ATP8A2: variants seen among roughly 807,000 people sequenced by gnomAD.
ATP8A2 encodes the protein phospholipid-transporting ATPase IB.
ATP8A2 carries 100 observed loss-of-function variants against 165.6 expected under a neutral mutation model. The observed-to-expected ratio is 0.60, with a 90% CI of 0.51 to 0.71. The LOEUF (loss-of-function observed/expected upper bound fraction) is 0.71. ATP8A2 is among the 30% of genes least tolerant of loss of function. The probability of loss-of-function intolerance (pLI) is 0.00; values close to 1 mark genes in which losing one functional copy is unlikely to be tolerated. For synonymous variants in ATP8A2, 543 were observed against 548.8 expected (o/e 0.99, Z 0.15); for missense variants, 1,227 against 1,479.5 (o/e 0.83, Z 2.80).
chr13:25,507,264 TA>T (rs1431289122), intron 2 of ATP8A2, among the ~76,000 whole-genome samples: 3 of 13,148 alleles, frequency 2.3e-4, no homozygotes, highest in East Asian at 5.3e-4. Flanking sequence ...TGTGTGTGTG[TA>T]TTTTGTTGTT....
intron 36 of ATP8A2, among the ~76,000 whole-genome samples, chr13:26,013,120 T>A (rs1189905669): frequency 8.0e-6 from 1 of 125,560 alleles, no homozygotes; most frequent in Admixed American, 8.0e-5. Context: ...AAACATCCCC[T>A]CTCCACTGCC....
intron 24 of ATP8A2, among the ~76,000 whole-genome samples, chr13:25,617,867 A>G (rs922660353): frequency 7.9e-5 from 12 of 152,174 alleles, no homozygotes; most frequent in African/African-American, 2.9e-4. Context: ...TACACCTAAA[A>G]TCTTATGAGT....
At position 25,796,217 on chromosome 13, in the gene ATP8A2, G is replaced by A. The variant is rs572110670; in HGVS notation, c.2679+21258G>A. 3.9e-5 allele frequency among the ~76,000 whole-genome samples: 6 copies of A among 152,220 alleles called. No individual in the cohort carries two copies. The South Asian group carries it at 1.2e-3, about 32-fold the overall frequency. On this transcript the variant is annotated intron_variant, in intron 27 of 36. Coordinates refer to ENST00000381655, the MANE Select transcript of ATP8A2 (RefSeq NM_016529.6). The stretch of plus-strand genomic sequence containing the variant: ...GCCTACTTTGGCCTCCGAAAGTGCT[G>A]GGATTACAGGCACGAGCCACCGCGC...
chr13:25,447,179 G>A (rs1037765396), intron 1 of ATP8A2, among the ~76,000 whole-genome samples: 1 of 152,148 alleles, frequency 6.6e-6, no homozygotes. Context: ...GAGATATTTA[G>A]GTTTTGACAA....
intron 2 of ATP8A2, among the ~76,000 whole-genome samples, chr13:25,479,371 A>C (rs1429576188): frequency 6.6e-6 from 1 of 152,124 alleles, no homozygotes; most frequent in East Asian, 1.9e-4. Context: ...AACCTAGTAA[A>C]ATGGTTTTAA....
At position 25,688,143 on chromosome 13, in the gene ATP8A2, G is replaced by A. The variant is rs28571117; in HGVS notation, c.2212-11030G>A. Among the ~76,000 whole-genome samples the A allele has an allele frequency of 5.8e-3, 886 of 151,538 alleles. 10 individuals carry two copies. Among genetic ancestry groups the A allele is most frequent in the African/African-American group, 0.02 (817 of 41,262 alleles). On this transcript the variant is annotated intron_variant, in intron 24 of 36. Transcript: ENST00000381655. ...TGTGGCTGTTTTGTGCTGTTGTGTC[G>A]CTGTTTCATTCTGAAACTCTTGGGC...
chr13:25,480,070 G>A lies in ATP8A2; in HGVS notation c.221+10949G>A, dbSNP rs531519913. 8.4e-3 allele frequency among the ~76,000 whole-genome samples: 1,265 copies of A among 150,746 alleles called. 31 individuals are homozygous for A. Among genetic ancestry groups the A allele is most frequent in the African/African-American group, 0.029 (1,184 of 40,192 alleles). On this transcript the variant is annotated intron_variant, in intron 2 of 36. Coordinates refer to ENST00000381655, the MANE Select transcript of ATP8A2 (RefSeq NM_016529.6). ...TCCTCACTTCCCAGTAGGGGCGGCTGGGCAGAGGCGCCCCTCACCTCCCGG... is the reference window on the plus strand; with the variant it reads ...TCCTCACTTCCCAGTAGGGGCGGCTAGGCAGAGGCGCCCCTCACCTCCCGG...
chr13:25,885,856 T>G (rs1048820547), intron 33 of ATP8A2, among the ~76,000 whole-genome samples: 5 of 152,208 alleles, frequency 3.3e-5, no homozygotes, highest in African/African-American at 4.8e-5. Context: ...GATTCTCTCT[T>G]GCCCTGGGTA....
intron 35 of ATP8A2, among the ~76,000 whole-genome samples, chr13:25,969,258 A>G (rs1458798687): frequency 1.3e-5 from 2 of 152,146 alleles, no homozygotes; most frequent in Non-Finnish European, 2.9e-5. Flanking sequence ...GCCCTTCCCC[A>G]CAAGGAACAG....
intron 1 of ATP8A2, among the ~76,000 whole-genome samples, chr13:25,412,451 T>C (rs1335981690): frequency 6.6e-6 from 1 of 152,226 alleles, no homozygotes; most frequent in Non-Finnish European, 1.5e-5. Flanking sequence ...TTGGAGATCA[T>C]CTGTCTTCTA....
At chr13:25,843,180 G>A (rs1291934622) in intron 30 of ATP8A2, among the ~76,000 whole-genome samples, 1 of 152,176 alleles carries the variant, frequency 6.6e-6, no homozygotes, top group East Asian at 1.9e-4. Context: ...TGTGGGGCAT[G>A]GTTGGGAGAA....
intron 27 of ATP8A2, among the ~76,000 whole-genome samples, chr13:25,782,267 T>G (rs1019948382): frequency 2.6e-5 from 4 of 152,234 alleles, no homozygotes; most frequent in African/African-American, 7.2e-5. Context: ...TTTGAAGGAA[T>G]AGATTGGCAG....
At chr13:25,940,226 C>T (rs1955034559) in intron 33 of ATP8A2, among the ~76,000 whole-genome samples, 1 of 152,094 alleles carries the variant, frequency 6.6e-6, no homozygotes, top group African/African-American at 2.4e-5. Flanking sequence ...GAGTGAGGCC[C>T]CTTCCCGGTG....
chr13:25,874,185 C>T (rs1456471388), intron 33 of ATP8A2, among the ~76,000 whole-genome samples: 3 of 152,152 alleles, frequency 2.0e-5, no homozygotes, highest in Non-Finnish European at 2.9e-5. Context: ...TGAGGCCCTG[C>T]GAGGCTTACC....
At position 25,915,554 on chromosome 13, in the gene ATP8A2, T is replaced by C. The variant is rs568147485; in HGVS notation, c.3184-46021T>C. Among the ~76,000 whole-genome samples, 5 of 152,296 alleles carry C rather than the reference T, an allele frequency of 3.3e-5. No individual in the cohort carries two copies. In the East Asian group the frequency reaches 9.7e-4, roughly 29 times the overall value. ...AGCAATAAGTGAAACATGGCCAATT[T>C]TGGAAACCTCCAGGCACAGGGGGAG... On this transcript the variant is annotated intron_variant, in intron 33 of 36. Coordinates refer to ENST00000381655, the MANE Select transcript of ATP8A2 (RefSeq NM_016529.6).
chr13:25,994,712 G>T (rs1369322752), intron 35 of ATP8A2, among the ~76,000 whole-genome samples: 1 of 151,956 alleles, frequency 6.6e-6, no homozygotes, highest in Non-Finnish European at 1.5e-5. Flanking sequence ...AACCATCCTT[G>T]TATCTCTGTA....
chr13:25,532,250 A>G (rs375443848), intron 4 of ATP8A2, 22 bp from the exon 5 acceptor site: 4 of 1,594,454 alleles, frequency 2.5e-6, no homozygotes, highest in Admixed American at 1.7e-5. Context: ...ATGTTAAACT[A>G]TTTTTTTTCT....
intron 1 of ATP8A2, among the ~76,000 whole-genome samples, chr13:25,449,332 T>C (rs541136669): frequency 1.3e-5 from 2 of 152,236 alleles, no homozygotes; most frequent in Non-Finnish European, 2.9e-5. Context: ...TTTTTAAAAA[T>C]CCTCTTTGTT....
At chr13:25,594,454 TG>T in intron 24 of ATP8A2, among the ~76,000 whole-genome samples, 1 of 152,246 alleles carries the variant, frequency 6.6e-6, no homozygotes, top group Non-Finnish European at 1.5e-5. Context: ...AGGTTATTAG[TG>T]AACAGGTGGT....
Sources: allele counts gnomAD v4.1 joint callset (sites outside exome capture counted in the v4.1 genomes callset), GRCh38; gene constraint gnomAD v4.1.1; transcripts MANE v1.5; gene names NCBI Gene and HGNC (gene_info 2026-07-23, HGNC 2026-07-21).